PCDH9: variants seen among roughly 807,000 people sequenced by gnomAD.
PCDH9 encodes the protein protocadherin-9.
PCDH9 carries 24 observed loss-of-function variants against 70.6 expected under a neutral mutation model. The ratio of observed to expected loss-of-function variants is 0.34; its 90% confidence interval spans 0.25 to 0.48. PCDH9 has a LOEUF of 0.48. Among genes scored for constraint, PCDH9 ranks in the 20% least tolerant of loss-of-function variants. The pLI, the probability that PCDH9 is intolerant of heterozygous loss-of-function variation, is 0.99. For missense variants in PCDH9, 1,281 were observed against 1,503.6 expected, an observed-to-expected ratio of 0.85 and a Z score of 2.45; for synonymous variants, 562 against 558.5, an observed-to-expected ratio of 1.01 and a Z score of -0.09.
chr13:67,125,624 A>G (rs148638628), intron 2 of PCDH9, among the ~76,000 whole-genome samples: 97 of 152,280 alleles, frequency 6.4e-4, no homozygotes, highest in Admixed American at 8.5e-4. Context: ...ACCAGCATCC[A>G]GTCTAAGCTG....
At chr13:66,909,043 G>A (rs192086201) in intron 2 of PCDH9, among the ~76,000 whole-genome samples, 2 of 152,098 alleles carry the variant, frequency 1.3e-5, no homozygotes, top group East Asian at 3.9e-4. Context: ...TGTATCTATA[G>A]TATACAGAGT....
intron 2 of PCDH9, among the ~76,000 whole-genome samples, chr13:67,047,585 T>A (rs2085247263): frequency 6.6e-6 from 1 of 152,160 alleles, no homozygotes; most frequent in Non-Finnish European, 1.5e-5. Context: ...GGGTTTGCGG[T>A]TTCACCATGA....
intron 4 of PCDH9, among the ~76,000 whole-genome samples, chr13:66,376,787 A>G (rs1197966852): frequency 6.6e-6 from 1 of 152,218 alleles, no homozygotes; most frequent in African/African-American, 2.4e-5. Flanking sequence ...GTAGAACTTC[A>G]TTAAGGAGAC....
At chr13:66,748,321 C>G (rs1035296445) in intron 3 of PCDH9, among the ~76,000 whole-genome samples, 1 of 152,034 alleles carries the variant, frequency 6.6e-6, no homozygotes, top group African/African-American at 2.4e-5. Context: ...TTCATGTGTA[C>G]CTTTGCTGTT....
rs375962074 is a variant in PCDH9, at chr13:67,220,724, C to T, written c.3036+4681G>A. 2.6e-5 allele frequency: 4 copies of T among 152,094 alleles called. No individual in the cohort carries two copies. In the East Asian group the frequency reaches 7.7e-4, roughly 29 times the overall value. 9.4% of individuals were successfully genotyped at this position (152,094 alleles called of 1,614,324 possible). A position where few individuals can be genotyped will look rare whatever the true frequency, so the allele number is the denominator to read the frequency against. ...ATAATAAGAGAATAGAATATTGTCA[C>T]CACATATACTATTTTCTCTACGTTA... On this transcript the variant is annotated intron_variant, in intron 2 of 4. Transcript: ENST00000377865.
In PCDH9 at chr13:66,744,721, T is replaced by C. The variant is rs1371423021; in HGVS notation, c.3139-113310A>G. Among the ~76,000 whole-genome samples the C allele has an allele frequency of 5.9e-5, 9 of 152,166 alleles. No homozygotes were observed. The South Asian group carries it at 1.2e-3, about 21-fold the overall frequency. On this transcript the variant is annotated intron_variant, in intron 3 of 4. Transcript: ENST00000377865. ...TCAGGTATAAAAAATGAATATGTTA[T>C]TCTTTCAAGGTAAACATGGACAGAG...
intron 4 of PCDH9, among the ~76,000 whole-genome samples, chr13:66,521,737 C>G (rs1466959884): frequency 6.6e-6 from 1 of 152,020 alleles, no homozygotes; most frequent in Non-Finnish European, 1.5e-5. Context: ...GGTTAGAGGA[C>G]TTACTTTAGA....
At chr13:66,985,770 T>C (rs2139785064) in intron 2 of PCDH9, 1 of 152,108 alleles carries the variant, frequency 6.6e-6, no homozygotes, top group African/African-American at 2.4e-5. Context: ...AAATGTTTAG[T>C]TGTGTATGTG....
chr13:67,071,357 T>G (rs942730397), intron 2 of PCDH9, among the ~76,000 whole-genome samples: 3 of 152,294 alleles, frequency 2.0e-5, no homozygotes, highest in African/African-American at 7.2e-5. Flanking sequence ...AATATAATTT[T>G]GGACTCTGAA....
chr13:66,304,454 C>T lies in PCDH9; in HGVS notation c.*201G>A. 1.8e-6 allele frequency: 1 copy of T among 544,908 alleles called. No individual in the cohort carries two copies. The highest frequency in any genetic ancestry group is 3.3e-6 in the Non-Finnish European group (1 of 307,056). The allele number at this position is 544,908 out of a possible 1,614,324, so 33.8% of individuals were successfully genotyped here. On this transcript the variant is annotated 3_prime_UTR_variant, in exon 5 of 5. Transcript: ENST00000377865. ...AGATCTCTGGAGAGTGTAATCAATT[C>T]TAGTAAACAAAATTGCATGGCTAGA...
chr13:66,887,879 A>T (rs2082033625), intron 3 of PCDH9, among the ~76,000 whole-genome samples: 1 of 152,236 alleles, frequency 6.6e-6, no homozygotes. Flanking sequence ...GTCTATTGTT[A>T]CAAACCTAAA....
intron 4 of PCDH9, among the ~76,000 whole-genome samples, chr13:66,457,490 A>C (rs1958340566): frequency 6.6e-6 from 1 of 152,050 alleles, no homozygotes; most frequent in African/African-American, 2.4e-5. Flanking sequence ...GTTGTTCATC[A>C]AAAAAGGAAT....
intron 4 of PCDH9, among the ~76,000 whole-genome samples, chr13:66,423,932 A>T (rs1957619399): frequency 6.6e-6 from 1 of 152,074 alleles, no homozygotes; most frequent in Admixed American, 6.6e-5. Context: ...AAACCCCGTC[A>T]TCTTAGCCCC....
intron 3 of PCDH9, among the ~76,000 whole-genome samples, chr13:66,881,288 T>C (rs918107273): frequency 1.3e-5 from 2 of 152,212 alleles, no homozygotes; most frequent in African/African-American, 4.8e-5. Flanking sequence ...GAGGTTTAAC[T>C]GGACTCACAG....
chr13:66,709,534 C>T (rs532800940), intron 3 of PCDH9, among the ~76,000 whole-genome samples: 1 of 152,246 alleles, frequency 6.6e-6, no homozygotes, highest in African/African-American at 2.4e-5. Flanking sequence ...ATTAACCAAT[C>T]TTAAAAAACA....
intron 4 of PCDH9, among the ~76,000 whole-genome samples, chr13:66,406,708 T>A (rs1321215997): frequency 6.6e-6 from 1 of 152,182 alleles, no homozygotes; most frequent in Admixed American, 6.5e-5. Flanking sequence ...AAAGAGGACC[T>A]GGTGTTTTCA....
chr13:67,151,798 A>T (rs961099731), intron 2 of PCDH9, among the ~76,000 whole-genome samples: 1 of 151,968 alleles, frequency 6.6e-6, no homozygotes, highest in African/African-American at 2.4e-5. Context: ...CTCATAAAGG[A>T]CTCAGGAAGT....
In PCDH9 at chr13:66,304,140, A is replaced by C. The variant is rs781164398; in HGVS notation, c.*515T>G. ...TGCTTCTATTTACAAATACTTTAAC[A>C]CTGATTGACTTACAAGTGTCCACTA... On this transcript the variant is annotated 3_prime_UTR_variant, in exon 5 of 5. Transcript: ENST00000377865. The C allele has an allele frequency of 6.5e-6, 1 of 152,840 alleles. No homozygotes were observed. Among genetic ancestry groups the C allele is most frequent in the Non-Finnish European group, 1.5e-5 (1 of 68,410 alleles). The allele number at this position is 152,840 out of a possible 1,614,324, so 9.5% of individuals were successfully genotyped here.
At chr13:66,473,638 T>C (rs142392742) in intron 4 of PCDH9, among the ~76,000 whole-genome samples, 1 of 152,180 alleles carries the variant, frequency 6.6e-6, no homozygotes, top group Non-Finnish European at 1.5e-5. Flanking sequence ...CAGGATCACT[T>C]TGTATGTGTC....
Sources: gnomAD v4.1 joint callset for allele counts (sites outside exome capture counted in the v4.1 genomes callset) on GRCh38, gnomAD v4.1.1 for gene constraint, MANE v1.5 for transcripts, NCBI Gene and HGNC (gene_info 2026-07-23, HGNC 2026-07-21) for gene names.